The following SKAP1 variants were observed in gnomAD, a reference collection of about 807,000 sequenced individuals.
The protein encoded by SKAP1 is src kinase-associated phosphoprotein 1.
SKAP1 carries 44 observed loss-of-function variants against 58.5 expected under a neutral mutation model. The ratio of observed to expected loss-of-function variants is 0.75; its 90% CI spans 0.59 to 0.97. The LOEUF is 0.97. Ranked by LOEUF, SKAP1 falls within the 50% of genes least tolerant of loss-of-function variation. The pLI is 0.00. For synonymous variants in SKAP1, 127 were observed against 149.7 expected (o/e 0.85, Z 1.11); for missense variants, 390 against 435.2 (o/e 0.90, Z 0.92).
At chr17:48,248,795 A>T (rs1567837544) in intron 4 of SKAP1, 1 of 152,216 alleles carries the variant, frequency 6.6e-6, no homozygotes, top group Non-Finnish European at 1.5e-5. Context: ...GAGTGGTGGT[A>T]GTATCTGAGT....
At chr17:48,443,457 A>AGTTTGTTT in the SKAP1 span, among the ~76,000 whole-genome samples, 96 of 109,090 alleles carry the variant, frequency 8.8e-4, no homozygotes, top group Non-Finnish European at 1.3e-3. Context: ...CTACAAGGTA[A>AGTTTGTTT]GTCTGTTTGT....
chr17:48,181,376 G>C (rs1173526753), intron 8 of SKAP1, among the ~76,000 whole-genome samples: 1 of 152,040 alleles, frequency 6.6e-6, no homozygotes, highest in Admixed American at 6.6e-5. Context: ...TATATTACAC[G>C]CATAAATCCA....
At chr17:48,377,838 C>T (rs1336365360) in intron 2 of SKAP1, among the ~76,000 whole-genome samples, 2 of 152,130 alleles carry the variant, frequency 1.3e-5, no homozygotes, top group Admixed American at 6.5e-5. Flanking sequence ...CACTATAGTG[C>T]CTGCATATAT....
intron 11 of SKAP1, among the ~76,000 whole-genome samples, chr17:48,148,213 CAGAG>C (rs1432548297): frequency 1.3e-5 from 2 of 152,052 alleles, no homozygotes; most frequent in Non-Finnish European, 2.9e-5. Flanking sequence ...GTGCAAAACA[CAGAG>C]TGGGTGTGTG....
At chr17:48,329,295 C>A (rs2066475255) in intron 4 of SKAP1, among the ~76,000 whole-genome samples, 1 of 152,176 alleles carries the variant, frequency 6.6e-6, no homozygotes, top group African/African-American at 2.4e-5. Flanking sequence ...TAGCACAATG[C>A]CTGCCAGAGT....
chr17:48,193,447 A>G (rs1249511852), intron 4 of SKAP1, among the ~76,000 whole-genome samples: 1 of 152,166 alleles, frequency 6.6e-6, no homozygotes, highest in African/African-American at 2.4e-5. Flanking sequence ...CTCAGTTTAG[A>G]ATGTCTACGG....
chr17:48,273,405 G>A (rs2065658457), intron 4 of SKAP1, among the ~76,000 whole-genome samples: 1 of 144,138 alleles, frequency 6.9e-6, no homozygotes, highest in Non-Finnish European at 1.5e-5. Flanking sequence ...GGCTATATAT[G>A]CCAAACTTTT....
chr17:48,284,387 C>A (rs184703540), intron 4 of SKAP1, among the ~76,000 whole-genome samples: 4 of 152,224 alleles, frequency 2.6e-5, no homozygotes, highest in African/African-American at 7.2e-5. Context: ...GGAGGAAAAA[C>A]TGTTTGCCAT....
intron 6 of SKAP1, among the ~76,000 whole-genome samples, chr17:48,187,617 T>C (rs1725232062): frequency 1.3e-5 from 2 of 152,226 alleles, no homozygotes; most frequent in Admixed American, 1.3e-4. Context: ...AACCATTTGA[T>C]GTGCTGACCA....
chr17:48,285,991 A>G (rs1449565939), intron 4 of SKAP1, among the ~76,000 whole-genome samples: 1 of 152,248 alleles, frequency 6.6e-6, no homozygotes, highest in Non-Finnish European at 1.5e-5. Flanking sequence ...GAGATATTAT[A>G]TGGAAAACAG....
intron 10 of SKAP1, among the ~76,000 whole-genome samples, chr17:48,167,705 G>T (rs2064158928): frequency 6.6e-6 from 1 of 152,118 alleles, no homozygotes; most frequent in Non-Finnish European, 1.5e-5. Flanking sequence ...GGTGGGAGGG[G>T]TCTGTTTCAG....
At chr17:48,239,367 T>C (rs2065217958) in intron 4 of SKAP1, among the ~76,000 whole-genome samples, 1 of 152,220 alleles carries the variant, frequency 6.6e-6, no homozygotes, top group African/African-American at 2.4e-5. Context: ...AACATCAGCC[T>C]GGCAGTAAAT....
intron 9 of SKAP1, among the ~76,000 whole-genome samples, chr17:48,172,742 T>C (rs1465314280): frequency 6.6e-6 from 1 of 152,206 alleles, no homozygotes; most frequent in African/African-American, 2.4e-5. Flanking sequence ...TTTTTTTAAA[T>C]GTAATGTTTA....
At chr17:48,419,330 G>A (rs191480381) in intron 1 of SKAP1, among the ~76,000 whole-genome samples, 100 of 151,596 alleles carry the variant, frequency 6.6e-4, no homozygotes, top group African/African-American at 2.3e-3. Flanking sequence ...GCCACCCCAG[G>A]CTGGAGTGCA....
chr17:48,424,319 G>A (rs1036337602), intron 1 of SKAP1, among the ~76,000 whole-genome samples: 4 of 145,856 alleles, frequency 2.7e-5, no homozygotes, highest in East Asian at 2.1e-4. Flanking sequence ...TCTCCCTCCC[G>A]GGTTCACACC....
chr17:48,336,465 G>A (rs1010468457), intron 4 of SKAP1, among the ~76,000 whole-genome samples: 2 of 152,138 alleles, frequency 1.3e-5, no homozygotes, highest in African/African-American at 4.8e-5. Context: ...ATGTAGTTTG[G>A]AAAAGTGAAG....
At chr17:48,433,943 G>T (rs1210410156), upstream of SKAP1, among the ~76,000 whole-genome samples, 1 of 152,220 alleles carries the variant, frequency 6.6e-6, no homozygotes, top group East Asian at 1.9e-4. Flanking sequence ...ACCCAGAATG[G>T]CATGCAGTGG....
rs201904810 is a variant in SKAP1, at chr17:48,264,263, TAC to T, written c.281-74765_281-74764del. The stretch of plus-strand genomic sequence containing the variant: ...ATATATATGTTTATACATATATATA[TAC>T]ACACACACAGAGATCAGAAATAAAG... On this transcript the variant is annotated intron_variant, in intron 4 of 12. Coordinates refer to ENST00000336915, the MANE Select transcript of SKAP1 (RefSeq NM_003726.4). 3.7e-3 allele frequency among the ~76,000 whole-genome samples: 554 copies of T among 148,384 alleles called. 3 individuals are homozygous for T. Among genetic ancestry groups the T allele is most frequent in the Middle Eastern group, 0.01 (3 of 290 alleles).
intron 1 of SKAP1, among the ~76,000 whole-genome samples, chr17:48,413,523 A>AAAAAATATATATATATATATATATAT: frequency 9.5e-6 from 1 of 105,430 alleles, no homozygotes; most frequent in Non-Finnish European, 1.9e-5. Context: ...TCAAAAAAAA[A>AAAAAATATATATATATATATATATAT]ATATATATAT....
Sources: allele counts gnomAD v4.1 joint callset (sites outside exome capture counted in the v4.1 genomes callset), GRCh38; gene constraint gnomAD v4.1.1; transcripts MANE v1.5; gene names NCBI Gene and HGNC (gene_info 2026-07-23, HGNC 2026-07-21).